MACF1: variants seen among roughly 807,000 people sequenced by gnomAD.
The protein encoded by MACF1 is microtubule-actin cross-linking factor 1.
A neutral mutation model predicts 854.8 loss-of-function variants in MACF1; 193 were observed. That is an observed-to-expected ratio of 0.23 (90% confidence interval 0.20 to 0.25). MACF1 has a LOEUF of 0.25. MACF1 is among the 10% of genes least tolerant of loss of function. The probability of loss-of-function intolerance (pLI) is 1.00; values close to 1 mark genes in which losing one functional copy is unlikely to be tolerated. For missense variants in MACF1, 7,722 were observed against 8,929.1 expected, an observed-to-expected ratio of 0.86 and a Z score of 5.45; for synonymous variants, 3,185 against 3,226.7, an observed-to-expected ratio of 0.99 and a Z score of 0.44.
Position 39,332,162 on chromosome 1 carries a change from G to A in MACF1, c.5574G>A (p.Glu1858=). The A allele has an allele frequency of 1.2e-6, 2 of 1,614,084 alleles. No homozygotes were observed. Among genetic ancestry groups the A allele is most frequent in the Non-Finnish European group, 1.7e-6 (2 of 1,180,032 alleles). The part of the protein sequence containing the change: ...FMGLLWPESG[E]ILPITDALEQ... ...GGTTGCTGTGGCCTGAATCTGGAGA[G>A]ATCCTCCCAATTACAGATGCCCTAG... Residue 1858 remains glutamate (E), a synonymous_variant, in exon 37 of 101, where the codon GAG becomes GAA. Coordinates refer to ENST00000564288, the MANE Select transcript of MACF1 (RefSeq NM_001394062.1).
At chr1:39,304,587 A>G (rs1199465069) in intron 23 of MACF1, 16 of 742,848 alleles carry the variant, frequency 2.2e-5, no homozygotes, top group Non-Finnish European at 3.3e-5. Context: ...TTCTTGAGAC[A>G]GAGCCTTGCT....
chr1:39,448,300 A>G, intron 83 of MACF1, 148 bp downstream of exon 83: 1 of 916,646 alleles, frequency 1.1e-6, no homozygotes, highest in Non-Finnish European at 1.6e-6. Flanking sequence ...TCCATTTTAT[A>G]TCTAGATGGT....
At chr1:39,371,490 G>A (rs1210395094) in intron 51 of MACF1, among the ~76,000 whole-genome samples, 6 of 152,098 alleles carry the variant, frequency 3.9e-5, no homozygotes, top group Non-Finnish European at 7.4e-5. Context: ...GGAGGGCAAT[G>A]AAGGCTAGAA....
intron 2 of MACF1, among the ~76,000 whole-genome samples, chr1:39,127,858 A>T (rs989143008): frequency 1.3e-5 from 2 of 151,942 alleles, no homozygotes; most frequent in African/African-American, 2.4e-5. Context: ...CTTAAAAAAA[A>T]AAATGTCCTA....
Position 39,313,555 on chromosome 1 carries a change from C to A in MACF1, c.3271-1958C>A, listed in dbSNP as rs183122301. ...TTGTCTTCCTTCTCTCCCTCCCTCC[C>A]TTTTTTTTTCTTCCCTCCTTCCCTT... On this transcript the variant is annotated intron_variant, in intron 26 of 100. Coordinates refer to ENST00000564288, the MANE Select transcript of MACF1 (RefSeq NM_001394062.1). Among the ~76,000 whole-genome samples the A allele has an allele frequency of 5.2e-3, 785 of 151,158 alleles. 6 individuals are homozygous for A. The highest frequency in any genetic ancestry group is 0.018 in the African/African-American group (756 of 41,242).
intron 6 of MACF1, among the ~76,000 whole-genome samples, chr1:39,273,323 C>T (rs1645366489): frequency 6.6e-6 from 1 of 151,258 alleles, no homozygotes; most frequent in South Asian, 2.1e-4. Context: ...GTGTTCTTGC[C>T]ACAACCCTTC....
chr1:39,183,199 C>T (rs1277838328), intron 2 of MACF1, among the ~76,000 whole-genome samples: 2 of 151,972 alleles, frequency 1.3e-5, no homozygotes, highest in South Asian at 2.1e-4. Flanking sequence ...TGAGGAGGGG[C>T]GAATGGGAAG....
intron 58 of MACF1, among the ~76,000 whole-genome samples, chr1:39,416,813 A>G (rs958884732): frequency 6.6e-6 from 1 of 152,260 alleles, no homozygotes; most frequent in South Asian, 2.1e-4. Flanking sequence ...AATATCTGGA[A>G]GTGAGCAAAT....
chr1:39,297,870 A>C lies in MACF1; in HGVS notation c.2481+125A>C, dbSNP rs985192413. On this transcript the variant is annotated intron_variant, in intron 21 of 100. Coordinates refer to ENST00000564288, the MANE Select transcript of MACF1 (RefSeq NM_001394062.1). ...ATTGTTGTAATAAAGTTTGGCTTAC[A>C]TTCAAATAGAGTTTAATCGATGTTG... 2.7e-6 allele frequency: 3 copies of C among 1,119,484 alleles called. No individual in the cohort carries two copies. The African/African-American group carries it at 4.7e-5, about 18-fold the overall frequency. The allele number at this position is 1,119,484 out of a possible 1,614,324, so 69.3% of individuals were successfully genotyped here. A position where few individuals can be genotyped will look rare whatever the true frequency, so the allele number is the denominator to read the frequency against.
intron 23 of MACF1, 109 bp from the exon 24 acceptor site, chr1:39,309,461 C>T: frequency 7.6e-7 from 1 of 1,315,856 alleles, no homozygotes; most frequent in Non-Finnish European, 1.1e-6. Context: ...TTTCTCTGCT[C>T]AACATATAAG....
At chr1:39,216,151 A>C (rs1644575099) in intron 1 of MACF1, among the ~76,000 whole-genome samples, 1 of 147,508 alleles carries the variant, frequency 6.8e-6, no homozygotes, top group Admixed American at 7.0e-5. Context: ...AAATGAAAAA[A>C]GATAAAGAAA....
In MACF1 at chr1:39,387,533, G is replaced by C. The variant is rs1641854354; in HGVS notation, c.14691G>C (p.Arg4897Ser). The C allele has an allele frequency of 6.2e-7, 1 of 1,614,102 alleles. No homozygotes were observed. Among genetic ancestry groups the C allele is most frequent in the East Asian group, 2.2e-5 (1 of 44,888 alleles). ...AAAAAACTGCAGACAGACAATCCAG[G>C]CTCAAGGATTGTATGCAGAAAGCTC... ...LSKKTADRQSRLKDCMQKAQK... is the reference protein window; with the variant it reads ...LSKKTADRQSSLKDCMQKAQK... The change falls in exon 58 of 101, where the codon AGG (arginine) becomes AGC (serine). Residue 4897 changes from arginine (R) to serine (S), a missense_variant. Around this residue, in one of 15 missense-constraint regions of MACF1, gnomAD observed 2,807 missense variants for 3,235.8 expected, o/e 0.87. Transcript: ENST00000564288.
chr1:39,117,094 A>C (rs1027441242), intron 2 of MACF1, among the ~76,000 whole-genome samples: 3 of 152,172 alleles, frequency 2.0e-5, no homozygotes, highest in Admixed American at 2.0e-4. Context: ...ATTTGTTCTC[A>C]TGACTCAGAG....
At chr1:39,298,599 T>TG (rs1281108910) in intron 21 of MACF1, 1 of 422,984 alleles carries the variant, frequency 2.4e-6, no homozygotes, top group Non-Finnish European at 4.6e-6. Context: ...TCATTTTTTT[T>TG]GTCGGTAAAA....
Position 39,148,785 on chromosome 1 carries a change from A to G in MACF1, c.220+64347A>G, listed in dbSNP as rs182504133. Among the ~76,000 whole-genome samples the G allele has an allele frequency of 2.7e-3, 417 of 152,330 alleles. 1 individual carries two copies. Among genetic ancestry groups the G allele is most frequent in the Non-Finnish European group, 4.7e-3 (321 of 68,020 alleles). ...TGTATATATTTGCACACTTAACTGT[A>G]TTTTTAAAAAGATAAATTCCTAAGA... On this transcript the variant is annotated intron_variant, in intron 2 of 93. Coordinates refer to the MACF1 transcript ENST00000361689.
intron 99 of MACF1, 30 bp downstream of exon 99, chr1:39,481,060 C>T: frequency 7.1e-7 from 1 of 1,413,424 alleles, no homozygotes; most frequent in Admixed American, 2.0e-5. Flanking sequence ...ACTGAGGACA[C>T]AGTCAAGACG....
At chr1:39,139,091 T>A (rs1368924378) in intron 2 of MACF1, among the ~76,000 whole-genome samples, 1 of 152,218 alleles carries the variant, frequency 6.6e-6, no homozygotes, top group Non-Finnish European at 1.5e-5. Flanking sequence ...ATGATGTAGC[T>A]GGCTCTTAAT....
chr1:39,257,648 C>T (rs1164695464), intron 5 of MACF1: 1 of 317,372 alleles, frequency 3.2e-6, no homozygotes, highest in Non-Finnish European at 5.8e-6. Context: ...TTATCCAACA[C>T]TCTGGAAAAA....
At position 39,310,708 on chromosome 1, in the gene MACF1, TTAGGATCAGG is replaced by T. The variant is rs1557580289; in HGVS notation, c.3101-116_3101-107del. 25 of 1,010,598 alleles carry T rather than the reference TTAGGATCAGG, an allele frequency of 2.5e-5. No individual in the cohort carries two copies. In the South Asian group the frequency reaches 4.3e-4, roughly 17 times the overall value. 62.6% of individuals were successfully genotyped at this position (1,010,598 alleles called of 1,614,324 possible). A position where few individuals can be genotyped will look rare whatever the true frequency, so the allele number is the denominator to read the frequency against. On this transcript the variant is annotated intron_variant, in intron 25 of 100. Coordinates refer to ENST00000564288, the MANE Select transcript of MACF1 (RefSeq NM_001394062.1). ...AAGATTAGTATACAGTATGTGAAAT[TTAGGATCAGG>T]TAGGATTAGGCAGAAGATTCCCTAA...
Sources: gnomAD v4.1 joint callset for allele counts (sites outside exome capture counted in the v4.1 genomes callset) on GRCh38, gnomAD v4.1.1 for gene constraint, gnomAD v4.1.1 regional missense constraint, MANE v1.5 for transcripts, NCBI Gene and HGNC (gene_info 2026-07-23, HGNC 2026-07-21) for gene names.